CYP39A1: variants seen among roughly 807,000 people sequenced by gnomAD.
CYP39A1 encodes 24-hydroxycholesterol 7-alpha-hydroxylase.
CYP39A1 carries 49 observed loss-of-function variants against 58.1 expected under a neutral mutation model. The observed-to-expected ratio is 0.84, with a 90% CI of 0.67 to 1.07. The LOEUF (loss-of-function observed/expected upper bound fraction) is 1.07. Among genes scored for constraint, CYP39A1 ranks in the 50% least tolerant of loss-of-function variants. CYP39A1 has a pLI of 0.00. For synonymous variants in CYP39A1, 209 were observed against 187.6 expected, an observed-to-expected ratio of 1.11 and a Z score of -0.93; for missense variants, 531 against 539.4, an observed-to-expected ratio of 0.98 and a Z score of 0.16.
chr6:46,626,100 T>A lies in CYP39A1; in HGVS notation c.841-592A>T, dbSNP rs568042668. On this transcript the variant is annotated intron_variant, in intron 6 of 11. Transcript: ENST00000275016. ...GAATTAGTAAATAAAAGAAAAAAAA[T>A]TTTTGAGTCCTTTCACACTTGAATG... Among the ~76,000 whole-genome samples the A allele has an allele frequency of 1.6e-3, 238 of 151,992 alleles. 2 individuals carry two copies. Among genetic ancestry groups the A allele is most frequent in the East Asian group, 5.8e-4 (3 of 5,176 alleles).
At chr6:46,620,204 G>T (rs1240702364) in intron 7 of CYP39A1, among the ~76,000 whole-genome samples, 2 of 152,106 alleles carry the variant, frequency 1.3e-5, no homozygotes, top group African/African-American at 4.8e-5. Context: ...AGCCTTAAAA[G>T]CCAGAAGTCT....
At chr6:46,616,169 TTC>T (rs1774554086) in intron 7 of CYP39A1, among the ~76,000 whole-genome samples, 1 of 46,932 alleles carries the variant, frequency 2.1e-5, no homozygotes, top group Non-Finnish European at 4.4e-5. Flanking sequence ...TCTTTTTTCT[TTC>T]TTTCTTTCTT....
chr6:46,616,242 C>CCCTT lies in CYP39A1; in HGVS notation c.931+9172_931+9175dup, dbSNP rs762003723. ...TCCCTCCCTCCCTCCCTCCCTCCCT[C>CCCTT]CCTTCCTTCCTTCCTTTCTTCCTTC... is the stretch of plus-strand genomic sequence containing the variant. On this transcript the variant is annotated intron_variant, in intron 7 of 11. Transcript: ENST00000275016. Among the ~76,000 whole-genome samples the CCCTT allele has an allele frequency of 1.4e-3, 53 of 37,732 alleles. 2 individuals are homozygous for CCCTT. Among genetic ancestry groups the CCCTT allele is most frequent in the African/African-American group, 8.1e-3 (40 of 4,954 alleles). 24.8% of individuals were successfully genotyped at this position (37,732 alleles called of 152,430 possible).
At chr6:46,622,320 G>A (rs1049678127) in intron 7 of CYP39A1, among the ~76,000 whole-genome samples, 1 of 151,722 alleles carries the variant, frequency 6.6e-6, no homozygotes, top group African/African-American at 2.4e-5. Flanking sequence ...TAAATTTTAT[G>A]GTATGTTAAT....
At chr6:46,641,591 CA>C (rs1776340394) in intron 2 of CYP39A1, among the ~76,000 whole-genome samples, 1 of 152,108 alleles carries the variant, frequency 6.6e-6, no homozygotes, top group Non-Finnish European at 1.5e-5. Flanking sequence ...CCAGTACACA[CA>C]ATTGCAGCCT....
At chr6:46,636,627 T>G in intron 4 of CYP39A1, 145 bp from the exon 5 acceptor site, 1 of 612,834 alleles carries the variant, frequency 1.6e-6, no homozygotes, top group Non-Finnish European at 2.8e-6. Flanking sequence ...ATGGAAGGTC[T>G]ACCTTCGGAA....
chr6:46,636,263 G>C (rs3736737), intron 5 of CYP39A1, 126 bp downstream of exon 5: 108,010 of 633,726 alleles, frequency 0.17, 10,205 homozygotes, highest in South Asian at 0.31. Flanking sequence ...ATCTCAACAT[G>C]TCCAGTACAG....
At chr6:46,613,172 TGAG>T (rs1167038336) in intron 7 of CYP39A1, among the ~76,000 whole-genome samples, 1 of 152,256 alleles carries the variant, frequency 6.6e-6, no homozygotes, top group Non-Finnish European at 1.5e-5. Flanking sequence ...TTTGTATTTA[TGAG>T]AAGAGTCAGA....
Position 46,603,451 on chromosome 6 carries a change from C to A in CYP39A1, c.932-7331G>T, listed in dbSNP as rs76929665. 6.7e-3 allele frequency among the ~76,000 whole-genome samples: 1,017 copies of A among 152,292 alleles called. 13 individuals are homozygous for A. The highest frequency in any genetic ancestry group is 0.023 in the African/African-American group (965 of 41,566). ...AAATGTGGATTCAGTGAACACTGAT[C>A]AAAGACCCAAAAGAATGCAAGCATT... On this transcript the variant is annotated intron_variant, in intron 7 of 11. Transcript: ENST00000275016.
chr6:46,583,513 T>G, intron 10 of CYP39A1: 4 of 985,382 alleles, frequency 4.1e-6, no homozygotes, highest in Non-Finnish European at 4.8e-6. Flanking sequence ...ATAATGAGAC[T>G]CTTCACTTTG....
intron 7 of CYP39A1, among the ~76,000 whole-genome samples, chr6:46,624,485 G>A (rs1582426005): frequency 6.6e-6 from 1 of 151,968 alleles, no homozygotes; most frequent in African/African-American, 2.4e-5. Flanking sequence ...GCATACTCAA[G>A]GCTCAGACAA....
At chr6:46,595,769 A>G (rs1717400882) in intron 8 of CYP39A1, among the ~76,000 whole-genome samples, 1 of 152,096 alleles carries the variant, frequency 6.6e-6, no homozygotes, top group African/African-American at 2.4e-5. Flanking sequence ...CAGAAAACTG[A>G]TAAGCAAGTG....
chr6:46,633,035 G>T (rs975648389), intron 5 of CYP39A1, among the ~76,000 whole-genome samples: 40 of 152,242 alleles, frequency 2.6e-4, no homozygotes, highest in African/African-American at 9.1e-4. Flanking sequence ...CTAATCCCTA[G>T]CTTTCTGGAT....
chr6:46,613,001 C>G (rs574004909), intron 7 of CYP39A1, among the ~76,000 whole-genome samples: 8 of 152,208 alleles, frequency 5.3e-5, no homozygotes, highest in Admixed American at 4.6e-4. Context: ...AAGCTGCATA[C>G]AAGTTATAAT....
intron 10 of CYP39A1, among the ~76,000 whole-genome samples, chr6:46,579,818 A>G (rs552934465): frequency 6.6e-6 from 1 of 152,282 alleles, no homozygotes; most frequent in East Asian, 1.9e-4. Flanking sequence ...TATATTTAAA[A>G]TAAGAATTAA....
intron 10 of CYP39A1, among the ~76,000 whole-genome samples, chr6:46,584,013 A>C (rs1000536213): frequency 6.6e-6 from 1 of 152,134 alleles, no homozygotes; most frequent in Non-Finnish European, 1.5e-5. Flanking sequence ...GAACGAGTGC[A>C]ATTTTCTGGG....
rs1406691513 is a variant in CYP39A1 at position 46,636,454 on chromosome 6, G to A, written c.667C>T (p.Leu223=). ...GGAATGTTTTTCTCAAACAGTTCCA[G>A]GAACCACTTTTTGGATTTTGACCAG... ...RNWSKSKKWF[L]ELFEKNIPDI... The change falls in exon 5 of 12, where the codon CTG becomes TTG. Residue 223 remains leucine (L), a synonymous_variant. Transcript: ENST00000275016. 5 of 1,608,114 alleles carry A rather than the reference G, an allele frequency of 3.1e-6. No homozygotes were observed. The highest frequency in any genetic ancestry group is 4.2e-6 in the Non-Finnish European group (5 of 1,178,536).
chr6:46,645,925 T>G (rs1272776222), intron 1 of CYP39A1, among the ~76,000 whole-genome samples: 2 of 152,134 alleles, frequency 1.3e-5, no homozygotes, highest in Non-Finnish European at 2.9e-5. Context: ...TGGTAATGTA[T>G]TTTTAATTAT....
intron 7 of CYP39A1, among the ~76,000 whole-genome samples, chr6:46,599,457 T>C (rs986230901): frequency 1.3e-5 from 2 of 152,144 alleles, no homozygotes; most frequent in Non-Finnish European, 1.5e-5. Context: ...GTCAATCAAC[T>C]GTAGATGCAG....
Sources: allele counts gnomAD v4.1 joint callset (sites outside exome capture counted in the v4.1 genomes callset), GRCh38; gene constraint gnomAD v4.1.1; transcripts MANE v1.5; gene names NCBI Gene and HGNC (gene_info 2026-07-23, HGNC 2026-07-21).